UNC93A: variants seen among roughly 807,000 people sequenced by gnomAD.
UNC93A encodes the protein unc-93 homolog A.
In UNC93A, 43 loss-of-function variants were observed where a neutral mutation model predicts 47.5. The ratio of observed to expected loss-of-function variants is 0.91; its 90% CI spans 0.71 to 1.17. UNC93A has a LOEUF of 1.17. Among genes scored for constraint, UNC93A ranks in the 50% most tolerant of loss-of-function variants. The probability of loss-of-function intolerance (pLI) is 0.00; values close to 1 mark genes in which losing one functional copy is unlikely to be tolerated. For synonymous variants in UNC93A, 280 were observed against 258.0 expected, an observed-to-expected ratio of 1.09 and a Z score of -0.82; for missense variants, 605 against 577.6, an observed-to-expected ratio of 1.05 and a Z score of -0.49.
rs1562350520 is a variant in UNC93A at position 167,295,663 on chromosome 6, A to ATCCTCGCCTGCCTCGTGC, written c.270-341_270-324dup. ...CCTCGTGCTCCTCGCCTCCCTCGTGATCCTCGCCTGCCTCGTGCTCCTCGC... is the reference window on the plus strand; with the variant it reads ...CCTCGTGCTCCTCGCCTCCCTCGTGATCCTCGCCTGCCTCGTGCTCCTCGCCTGCCTCGTGCTCCTCGC... On this transcript the variant is annotated intron_variant, in intron 2 of 7. Transcript: ENST00000230256. 3.3e-4 allele frequency among the ~76,000 whole-genome samples: 7 copies of ATCCTCGCCTGCCTCGTGC among 21,190 alleles called. 2 individuals are homozygous for ATCCTCGCCTGCCTCGTGC. The highest frequency in any genetic ancestry group is 1.8e-3 in the South Asian group (1 of 568). 13.9% of individuals were successfully genotyped at this position (21,190 alleles called of 152,430 possible). A position where few individuals can be genotyped will look rare whatever the true frequency, so the allele number is the denominator to read the frequency against.
At chr6:167,292,888 C>G (rs1230657528) in intron 1 of UNC93A, among the ~76,000 whole-genome samples, 1 of 152,034 alleles carries the variant, frequency 6.6e-6, no homozygotes, top group Non-Finnish European at 1.5e-5. Context: ...CACAGCAGCT[C>G]CCCTGGGGTC....
intron 7 of UNC93A, among the ~76,000 whole-genome samples, chr6:167,314,947 CTG>C (rs2115189574): frequency 6.6e-6 from 1 of 152,286 alleles, no homozygotes; most frequent in African/African-American, 2.4e-5. Flanking sequence ...CCTCCTGAGG[CTG>C]TGTCACGGGC....
At position 167,315,475 on chromosome 6, in the gene UNC93A, T is replaced by C; in HGVS notation, c.*23T>C. 2 of 1,613,884 alleles carry C rather than the reference T, an allele frequency of 1.2e-6. No individual in the cohort carries two copies. The highest frequency in any genetic ancestry group is 1.7e-6 in the Non-Finnish European group (2 of 1,179,866). On this transcript the variant is annotated 3_prime_UTR_variant, in exon 8 of 8. Coordinates refer to ENST00000230256, the MANE Select transcript of UNC93A (RefSeq NM_018974.4). ...TGAGAGCAGTGAGGTCCGAGGAGGA[T>C]GAACTCAGAAAGCACCAGCCAGAGA...
intron 1 of UNC93A, among the ~76,000 whole-genome samples, chr6:167,278,298 C>T (rs1033366750): frequency 5.9e-5 from 9 of 152,190 alleles, no homozygotes; most frequent in Non-Finnish European, 1.3e-4. Context: ...CAGTCAGTAG[C>T]CGAAGAGGAC....
chr6:167,298,608 C>G, intron 4 of UNC93A, among the ~76,000 whole-genome samples: 1 of 151,850 alleles, frequency 6.6e-6, no homozygotes, highest in Middle Eastern at 3.4e-3. Context: ...GCTTGTTGCA[C>G]CTTAGCTGGA....
At chr6:167,290,442 G>A (rs1344530087), upstream of UNC93A, among the ~76,000 whole-genome samples, 3 of 152,094 alleles carry the variant, frequency 2.0e-5, no homozygotes, top group Non-Finnish European at 4.4e-5. Context: ...AGACAGAAAT[G>A]GCTGACTTCA....
At chr6:167,314,703 G>C (rs1778645292) in intron 7 of UNC93A, among the ~76,000 whole-genome samples, 1 of 152,176 alleles carries the variant, frequency 6.6e-6, no homozygotes, top group Non-Finnish European at 1.5e-5. Flanking sequence ...AGGCTAATCA[G>C]AAACTCAAAA....
chr6:167,304,435 AC>A (rs1277245571), intron 5 of UNC93A, among the ~76,000 whole-genome samples: 8 of 152,056 alleles, frequency 5.3e-5, no homozygotes, highest in Admixed American at 2.0e-4. Flanking sequence ...CCGCTGACTC[AC>A]CCCACAGACA....
chr6:167,298,287 G>C (rs1778147482), intron 4 of UNC93A: 2 of 591,682 alleles, frequency 3.4e-6, no homozygotes, highest in Non-Finnish European at 5.3e-6. Flanking sequence ...GGGGTGATGA[G>C]ATTGTTATAC....
At chr6:167,290,120 A>C (rs1013532940), upstream of UNC93A, among the ~76,000 whole-genome samples, 4 of 152,184 alleles carry the variant, frequency 2.6e-5, no homozygotes. Context: ...TCAGTGACCC[A>C]CCTGAGATCA....
chr6:167,288,364 G>A (rs138503079), upstream of UNC93A, among the ~76,000 whole-genome samples: 3 of 152,064 alleles, frequency 2.0e-5, no homozygotes, highest in Non-Finnish European at 4.4e-5. Flanking sequence ...GTCAGCCCCC[G>A]CCAAGATTTA....
chr6:167,284,762 C>T (rs913514267), intron 1 of UNC93A, among the ~76,000 whole-genome samples: 5 of 152,170 alleles, frequency 3.3e-5, no homozygotes, highest in Admixed American at 2.6e-4. Flanking sequence ...GGTCCCGTGT[C>T]CGGGGTGCAG....
At chr6:167,292,532 G>A (rs982198338) in intron 1 of UNC93A, among the ~76,000 whole-genome samples, 3 of 152,252 alleles carry the variant, frequency 2.0e-5, no homozygotes, top group Middle Eastern at 3.4e-3. Context: ...CTCAAGTAAT[G>A]TTTCCTTTTG....
chr6:167,294,506 TG>T lies in UNC93A; in HGVS notation c.88-10del, dbSNP rs761587535. On this transcript the variant is annotated splice_polypyrimidine_tract_variant and intron_variant, in intron 1 of 7. Coordinates refer to ENST00000230256, the MANE Select transcript of UNC93A (RefSeq NM_018974.4). ...TCCTGTGCTCTGACAGGGCTGGCTT[TG>T]TTCCCACAGAGCAGCCTGTACAGCG... The T allele has an allele frequency of 4.4e-5, 71 of 1,613,606 alleles. No homozygotes were observed. The highest frequency in any genetic ancestry group is 1.6e-4 in the African/African-American group (12 of 74,886).
At chr6:167,276,159 C>T (rs1783539888) in intron 1 of UNC93A, among the ~76,000 whole-genome samples, 1 of 151,648 alleles carries the variant, frequency 6.6e-6, no homozygotes, top group South Asian at 2.1e-4. Context: ...TCCCCAGTTC[C>T]ATTCATGTGG....
intron 1 of UNC93A, among the ~76,000 whole-genome samples, chr6:167,271,792 T>G (rs182246384): frequency 5.2e-4 from 79 of 152,320 alleles, no homozygotes; most frequent in Non-Finnish European, 9.7e-4. Context: ...TTATTAGAAC[T>G]TGGGCTGATA....
At chr6:167,284,636 T>G (rs1438362991) in intron 1 of UNC93A, among the ~76,000 whole-genome samples, 1 of 152,288 alleles carries the variant, frequency 6.6e-6, no homozygotes, top group Non-Finnish European at 1.5e-5. Context: ...CAGCTCAATA[T>G]CATTCATTAA....
At chr6:167,284,506 G>A (rs1783687835) in intron 1 of UNC93A, among the ~76,000 whole-genome samples, 1 of 152,292 alleles carries the variant, frequency 6.6e-6, no homozygotes. Context: ...GGACTAGAAA[G>A]CGAAGGCCAG....
At chr6:167,296,377 G>A in intron 3 of UNC93A, 116 bp downstream of exon 3, 2 of 1,113,918 alleles carry the variant, frequency 1.8e-6, no homozygotes, top group Non-Finnish European at 2.6e-6. Context: ...TTGAGCAGGT[G>A]AGTCAGGCCC....
Sources: allele counts gnomAD v4.1 joint callset (sites outside exome capture counted in the v4.1 genomes callset), GRCh38; gene constraint gnomAD v4.1.1; transcripts MANE v1.5; gene names NCBI Gene and HGNC (gene_info 2026-07-23, HGNC 2026-07-21).